The following KCNN2 variants were observed in gnomAD, a reference collection of about 807,000 sequenced individuals.
KCNN2 encodes the protein potassium calcium-activated channel subfamily N member 2.
In KCNN2, 24 loss-of-function variants were observed where a neutral mutation model predicts 55.5. The observed-to-expected ratio is 0.43, with a 90% CI of 0.31 to 0.61. The LOEUF is 0.61. Ranked by LOEUF, KCNN2 falls within the 20% of genes least tolerant of loss-of-function variation. KCNN2 has a pLI of 0.08. For missense variants in KCNN2, 754 were observed against 853.6 expected (o/e 0.88, Z 1.45); for synonymous variants, 431 against 336.1 (o/e 1.28, Z -3.09).
chr5:114,451,846 A>G (rs961689755), intron 3 of KCNN2, among the ~76,000 whole-genome samples: 19 of 151,830 alleles, frequency 1.3e-4, no homozygotes, highest in East Asian at 7.8e-4. Context: ...GCAGTGAGCC[A>G]AGATCACGCC....
chr5:114,477,681 T>C (rs1195096152), intron 5 of KCNN2, among the ~76,000 whole-genome samples: 11 of 152,202 alleles, frequency 7.2e-5, no homozygotes, highest in African/African-American at 2.4e-4. Flanking sequence ...AATATATTAT[T>C]ATTACTGCTC....
chr5:114,224,785 G>A (rs563722500), intron 2 of KCNN2, among the ~76,000 whole-genome samples: 47 of 152,318 alleles, frequency 3.1e-4, no homozygotes, highest in African/African-American at 1.1e-3. Flanking sequence ...TTGCCATCAA[G>A]ATAAAGTGAA....
In KCNN2 at chr5:114,215,576, A is replaced by G. The variant is rs375433084; in HGVS notation, c.-270-5904A>G. ...AATAAATCAGGGTAGAACCCAAGAC[A>G]TAAAATTATGCTACAAATCGGACAC... On this transcript the variant is annotated intron_variant, in intron 1 of 10. Coordinates refer to the KCNN2 transcript ENST00000512097. 2.5e-4 allele frequency among the ~76,000 whole-genome samples: 38 copies of G among 152,268 alleles called. No homozygotes were observed. The South Asian group carries it at 7.2e-3, about 29-fold the overall frequency.
chr5:114,341,913 T>TG (rs1442035735), intron 2 of KCNN2, among the ~76,000 whole-genome samples: 1 of 151,724 alleles, frequency 6.6e-6, no homozygotes, highest in African/African-American at 2.4e-5. Context: ...TGTTTTTTTT[T>TG]TTTTTTGAGA....
chr5:114,410,083 C>G (rs1381124259), intron 3 of KCNN2, among the ~76,000 whole-genome samples: 1 of 152,124 alleles, frequency 6.6e-6, no homozygotes, highest in Non-Finnish European at 1.5e-5. Context: ...AGAAGTGTGG[C>G]CTAGTGCTGC....
rs562621953 is a variant in KCNN2, at chr5:114,133,651, T to C, written c.-271+77151T>C. On this transcript the variant is annotated intron_variant, in intron 1 of 10. Transcript: ENST00000512097. The stretch of plus-strand genomic sequence containing the variant: ...TTTGGTTACCTCTTGGCTGTCACTT[T>C]GTGATCTGTAAAAGCTGCTCTAGAG... 8.5e-5 allele frequency among the ~76,000 whole-genome samples: 13 copies of C among 152,296 alleles called. No homozygotes were observed. In the East Asian group the frequency reaches 2.3e-3, roughly 27 times the overall value.
intron 2 of KCNN2, among the ~76,000 whole-genome samples, chr5:114,310,121 A>G (rs964208781): frequency 3.3e-5 from 5 of 152,322 alleles, no homozygotes; most frequent in East Asian, 1.9e-4. Context: ...TTACAAATTC[A>G]TATTCTCTTC....
intron 2 of KCNN2, among the ~76,000 whole-genome samples, chr5:114,333,551 C>G (rs145461306): frequency 6.6e-6 from 1 of 151,678 alleles, no homozygotes; most frequent in East Asian, 1.9e-4. Flanking sequence ...TATGAAAAGT[C>G]ACCAGCTAAT....
chr5:114,262,666 A>C (rs957478598), intron 2 of KCNN2, among the ~76,000 whole-genome samples: 1 of 152,234 alleles, frequency 6.6e-6, no homozygotes, highest in African/African-American at 2.4e-5. Context: ...AAGTGCTTAG[A>C]ATAGCAGGTG....
chr5:114,476,798 T>C (rs1293836576), intron 5 of KCNN2, among the ~76,000 whole-genome samples: 3 of 152,084 alleles, frequency 2.0e-5, no homozygotes, highest in African/African-American at 7.2e-5. Flanking sequence ...AGAAAACAGA[T>C]TGCTGGTTTA....
intron 4 of KCNN2, among the ~76,000 whole-genome samples, chr5:114,471,150 T>C (rs1179023331): frequency 6.6e-5 from 10 of 152,174 alleles, no homozygotes; most frequent in Admixed American, 6.5e-4. Context: ...TATGGAATAA[T>C]CACAAATAAG....
chr5:114,432,112 A>C (rs1318423490), intron 3 of KCNN2, among the ~76,000 whole-genome samples: 1 of 152,246 alleles, frequency 6.6e-6, no homozygotes, highest in East Asian at 1.9e-4. Context: ...CCTCAATTCA[A>C]CTACGTTGTT....
At chr5:114,075,740 C>G (rs906288577) in intron 1 of KCNN2, among the ~76,000 whole-genome samples, 3 of 152,026 alleles carry the variant, frequency 2.0e-5, no homozygotes, top group African/African-American at 7.2e-5. Flanking sequence ...GGGGCATTAA[C>G]AAATATGTCT....
At chr5:114,312,422 C>CATATAT (rs1756413633) in intron 2 of KCNN2, among the ~76,000 whole-genome samples, 4 of 49,976 alleles carry the variant, frequency 8.0e-5, no homozygotes, top group Admixed American at 2.5e-4. Context: ...CACACACACA[C>CATATAT]ACACACACAC....
chr5:114,287,585 T>C lies in KCNN2; in HGVS notation c.-185+66020T>C, dbSNP rs553801192. Among the ~76,000 whole-genome samples, 3 of 150,440 alleles carry C rather than the reference T, an allele frequency of 2.0e-5. No homozygotes were observed. The East Asian group carries it at 5.9e-4, about 30-fold the overall frequency. ...GACACATGGAGGGGAACAACACACA[T>C]TGGGGCCTGTCGGGGGATGGGGGGC... On this transcript the variant is annotated intron_variant, in intron 2 of 10. Coordinates refer to the KCNN2 transcript ENST00000512097.
chr5:114,419,952 C>T (rs896655974), intron 3 of KCNN2, among the ~76,000 whole-genome samples: 3 of 152,238 alleles, frequency 2.0e-5, no homozygotes, highest in African/African-American at 7.2e-5. Flanking sequence ...GAGCTATGAT[C>T]ACGAGGCTAT....
intron 2 of KCNN2, among the ~76,000 whole-genome samples, chr5:114,287,594 G>A (rs1410187119): frequency 6.6e-6 from 1 of 150,378 alleles, no homozygotes; most frequent in African/African-American, 2.5e-5. Flanking sequence ...ATTGGGGCCT[G>A]TCGGGGGATG....
intron 1 of KCNN2, among the ~76,000 whole-genome samples, chr5:114,145,194 CT>C (rs1221024598): frequency 6.6e-6 from 1 of 152,158 alleles, no homozygotes; most frequent in Non-Finnish European, 1.5e-5. Flanking sequence ...GTTGTCACTA[CT>C]TTTTTGTAAG....
intron 3 of KCNN2, among the ~76,000 whole-genome samples, chr5:114,409,873 C>A (rs1214566668): frequency 6.6e-6 from 1 of 152,038 alleles, no homozygotes; most frequent in South Asian, 2.1e-4. Flanking sequence ...AAAATTCTCT[C>A]TCTCTCTCTC....
Sources: allele counts gnomAD v4.1 joint callset (sites outside exome capture counted in the v4.1 genomes callset), GRCh38; gene constraint gnomAD v4.1.1; transcripts MANE v1.5; gene names NCBI Gene and HGNC (gene_info 2026-07-23, HGNC 2026-07-21).